Variants in CLASP1 observed in about 807,000 individuals in gnomAD.
CLASP1 encodes the protein CLIP-associating protein 1.
Under a neutral mutation model 192.3 loss-of-function variants are expected in CLASP1, and 38 were observed. The observed-to-expected ratio is 0.20, with a 90% CI of 0.15 to 0.26. The LOEUF (loss-of-function observed/expected upper bound fraction) is 0.26, where lower values mean the gene tolerates loss of function less well. Ranked by LOEUF, CLASP1 falls within the 10% of genes least tolerant of loss-of-function variation. The probability of loss-of-function intolerance (pLI) is 1.00; values close to 1 mark genes in which losing one functional copy is unlikely to be tolerated. For missense variants in CLASP1, 1,433 were observed against 1,932.5 expected, an observed-to-expected ratio of 0.74 and a Z score of 4.85; for synonymous variants, 691 against 712.8, an observed-to-expected ratio of 0.97 and a Z score of 0.49.
At position 121,343,542 on chromosome 2, in the gene CLASP1, T is replaced by C. The variant is rs186822655; in HGVS notation, c.4531-2595A>G. 7.9e-5 allele frequency among the ~76,000 whole-genome samples: 12 copies of C among 152,330 alleles called. No homozygotes were observed. In the East Asian group the frequency reaches 2.1e-3, roughly 27 times the overall value. ...ACATGGATAAGCCCTGAGGACATTATGCTAAGTGAAATAAGCCAGCCACAA... is the reference window on the plus strand; with the variant it reads ...ACATGGATAAGCCCTGAGGACATTACGCTAAGTGAAATAAGCCAGCCACAA... On this transcript the variant is annotated intron_variant, in intron 39 of 39. Transcript: ENST00000263710.
rs1575271622 is a variant in CLASP1 at position 121,478,760 on chromosome 2, C to T, written c.713-8800G>A. On this transcript the variant is annotated intron_variant, in intron 8 of 39. Transcript: ENST00000263710. The stretch of plus-strand genomic sequence containing the variant: ...ACACACCCCACACACACCACACACA[C>T]ACCACACACCCCACACACACACCCC... Among the ~76,000 whole-genome samples, 3 of 87,236 alleles carry T rather than the reference C, an allele frequency of 3.4e-5. 1 individual carries two copies. In the Admixed American group the frequency reaches 3.5e-4, roughly 10 times the overall value. The allele number at this position is 87,236 out of a possible 152,430, so 57.2% of individuals were successfully genotyped here.
intron 2 of CLASP1, chr2:121,530,533 G>T: frequency 1.8e-6 from 1 of 552,016 alleles, no homozygotes; most frequent in Non-Finnish European, 3.3e-6. Context: ...AAAATACTCG[G>T]TGAGGAGAAA....
chr2:121,440,281 C>A (rs2083083991), intron 19 of CLASP1, among the ~76,000 whole-genome samples: 2 of 151,996 alleles, frequency 1.3e-5, no homozygotes, highest in South Asian at 2.1e-4. Flanking sequence ...GAAAAGGTGT[C>A]TTTTGTTTCA....
chr2:121,461,334 A>G (rs1575081912), intron 10 of CLASP1, 141 bp from the exon 11 acceptor site: 2 of 588,754 alleles, frequency 3.4e-6, no homozygotes, highest in East Asian at 3.0e-5. Flanking sequence ...ATATCTGAAC[A>G]GTTTTGTCTA....
intron 2 of CLASP1, among the ~76,000 whole-genome samples, chr2:121,581,156 G>A (rs2061088963): frequency 6.6e-6 from 1 of 151,638 alleles, no homozygotes; most frequent in Admixed American, 6.6e-5. Context: ...CTATTCACAG[G>A]CAGACCAGCA....
rs564282337 is a variant in CLASP1, at chr2:121,489,690, A to T, written c.712+13477T>A. Among the ~76,000 whole-genome samples the T allele has an allele frequency of 3.0e-4, 45 of 152,362 alleles. 1 individual carries two copies. Among genetic ancestry groups the T allele is most frequent in the Non-Finnish European group, 5.7e-4 (39 of 68,032 alleles). ...CAAACCTGAGAAAAAGCTCTGTGGA[A>T]AGACTGAAACCTAATCAAGAAGATT... On this transcript the variant is annotated intron_variant, in intron 8 of 39. Transcript: ENST00000263710.
chr2:121,462,909 T>G (rs147372204), intron 9 of CLASP1, among the ~76,000 whole-genome samples: 62 of 152,288 alleles, frequency 4.1e-4, no homozygotes, highest in Middle Eastern at 3.4e-3. Flanking sequence ...ACAAGTCCTT[T>G]GAAAGATTCC....
chr2:121,451,824 G>C, exon 15 of CLASP1: 1 of 1,573,068 alleles, frequency 6.4e-7, no homozygotes. Flanking sequence ...TCTTGTAAAA[G>C]CAAATCTAAA....
At chr2:121,340,539 A>C in exon 40 of CLASP1, 18 of 242,740 alleles carry the variant, frequency 7.4e-5, no homozygotes, top group East Asian at 2.7e-4. Context: ...AGTAGTGGCT[A>C]GAGCGCTCTG....
At chr2:121,465,272 C>A (rs906164025) in intron 9 of CLASP1, among the ~76,000 whole-genome samples, 7 of 152,152 alleles carry the variant, frequency 4.6e-5, no homozygotes, top group Non-Finnish European at 8.8e-5. Context: ...TAGAAAACCC[C>A]ATTGTCTCAG....
chr2:121,430,870 T>C (rs2081275910), intron 19 of CLASP1, among the ~76,000 whole-genome samples: 1 of 151,210 alleles, frequency 6.6e-6, no homozygotes, highest in African/African-American at 2.4e-5. Flanking sequence ...TAGGCAGTTA[T>C]GAAAAAATTA....
intron 2 of CLASP1, among the ~76,000 whole-genome samples, chr2:121,538,062 G>A (rs60583968): frequency 0.038 from 5,852 of 152,116 alleles, 159 homozygotes; most frequent in East Asian, 0.14. Context: ...AATATCCACT[G>A]TACAATTTCT....
At chr2:121,384,782 G>A (rs962705424) in intron 32 of CLASP1, among the ~76,000 whole-genome samples, 2 of 152,150 alleles carry the variant, frequency 1.3e-5, no homozygotes, top group Non-Finnish European at 2.9e-5. Flanking sequence ...TCAGGAGGCT[G>A]AGGCATAAGA....
chr2:121,394,802 C>T (rs1367066067), intron 30 of CLASP1, among the ~76,000 whole-genome samples: 3 of 152,156 alleles, frequency 2.0e-5, no homozygotes, highest in African/African-American at 7.2e-5. Flanking sequence ...ATGGCGTGAA[C>T]CCGGGAGGCG....
Position 121,460,139 on chromosome 2 carries a change from G to C in CLASP1, c.1033-14C>G, listed in dbSNP as rs760231249. ...AATCTTTTTTAGCTAATGGAATAGA[G>C]AAAATTCAGAAAAATAGAAAACAAT... On this transcript the variant is annotated splice_polypyrimidine_tract_variant and intron_variant, in intron 11 of 39. Coordinates refer to ENST00000263710, the Ensembl canonical transcript of CLASP1. 2.3e-5 allele frequency: 36 copies of C among 1,597,270 alleles called. No homozygotes were observed. In the South Asian group the frequency reaches 3.7e-4, roughly 16 times the overall value.
At chr2:121,431,639 C>G (rs1295612717) in intron 19 of CLASP1, among the ~76,000 whole-genome samples, 1 of 152,012 alleles carries the variant, frequency 6.6e-6, no homozygotes, top group Non-Finnish European at 1.5e-5. Flanking sequence ...AACATGTATA[C>G]TCATTTAGCT....
intron 3 of CLASP1, among the ~76,000 whole-genome samples, 195 bp from the exon 4 acceptor site, chr2:121,528,975 A>C (rs535072836): frequency 1.7e-4 from 26 of 152,234 alleles, no homozygotes; most frequent in African/African-American, 6.3e-4. Context: ...GAGTCTGCAA[A>C]ATCCTTTGCA....
intron 32 of CLASP1, among the ~76,000 whole-genome samples, chr2:121,383,991 G>GATATATATAT (rs139095697): frequency 1.5e-5 from 2 of 129,540 alleles, no homozygotes; most frequent in East Asian, 4.7e-4. Context: ...TCACTGGTGA[G>GATATATATAT]ATATATATAT....
chr2:121,446,910 T>C (rs1476506895), intron 19 of CLASP1, among the ~76,000 whole-genome samples: 2 of 152,192 alleles, frequency 1.3e-5, no homozygotes, highest in Non-Finnish European at 2.9e-5. Context: ...TCTGGTTATA[T>C]TCTCAAATTG....
Sources: allele counts gnomAD v4.1 joint callset (sites outside exome capture counted in the v4.1 genomes callset), GRCh38; gene constraint gnomAD v4.1.1; transcripts MANE v1.5; gene names NCBI Gene and HGNC (gene_info 2026-07-23, HGNC 2026-07-21).